Variants in ANGEL1 observed in about 807,000 individuals in gnomAD.
ANGEL1 encodes RNA 2',3'-cyclic phosphatase ANGEL1.
A neutral mutation model predicts 76.4 loss-of-function variants in ANGEL1; 62 were observed. The ratio of observed to expected loss-of-function variants is 0.81; its 90% CI spans 0.66 to 1.00. The LOEUF (loss-of-function observed/expected upper bound fraction) is 1.00. ANGEL1 is among the 50% of genes least tolerant of loss of function. The probability of loss-of-function intolerance (pLI) is 0.00; values close to 1 mark genes in which losing one functional copy is unlikely to be tolerated. For synonymous variants in ANGEL1, 340 were observed against 331.7 expected, an observed-to-expected ratio of 1.03 and a Z score of -0.27; for missense variants, 737 against 836.7, an observed-to-expected ratio of 0.88 and a Z score of 1.47.
intron 8 of ANGEL1, 130 bp from the exon 9 acceptor site, chr14:76,790,904 C>CCT (rs1348866871): frequency 1.2e-5 from 16 of 1,301,066 alleles, no homozygotes; most frequent in Non-Finnish European, 1.5e-5. Flanking sequence ...GCCAATTCCT[C>CCT]CCCATGCTAA....
Position 76,787,750 on chromosome 14 carries a change from G to C in ANGEL1, c.*1478C>G, listed in dbSNP as rs1595289775. ...CCACTGTCTTCAGTCCCACTTTGGA[G>C]GTCGAGTGAGGCAAGAGCAAGTCAA... On this transcript the variant is annotated 3_prime_UTR_variant, in exon 10 of 10. Coordinates refer to ENST00000251089, the MANE Select transcript of ANGEL1 (RefSeq NM_015305.4). 6.6e-6 allele frequency: 1 copy of C among 152,648 alleles called. No individual in the cohort carries two copies. Among genetic ancestry groups the C allele is most frequent in the East Asian group, 1.9e-4 (1 of 5,182 alleles). The allele number at this position is 152,648 out of a possible 1,614,324, so 9.5% of individuals were successfully genotyped here.
intron 1 of ANGEL1, chr14:76,810,336 G>T: frequency 2.5e-6 from 1 of 395,952 alleles, no homozygotes; most frequent in Non-Finnish European, 5.2e-6. Context: ...TGAGAGGATT[G>T]CTTGAGCCCA....
chr14:76,791,392 T>G, intron 7 of ANGEL1, 26 bp from the exon 8 acceptor site: 1 of 1,610,002 alleles, frequency 6.2e-7, no homozygotes, highest in Non-Finnish European at 8.5e-7. Context: ...GAGAAAAACA[T>G]TTTCTCATCC....
intron 1 of ANGEL1, among the ~76,000 whole-genome samples, chr14:76,810,870 T>A (rs1328920576): frequency 3.3e-5 from 5 of 152,170 alleles, no homozygotes; most frequent in African/African-American, 1.2e-4. Flanking sequence ...ACTCACACAC[T>A]CAACCATTTA....
chr14:76,798,318 G>C (rs1894645937), intron 7 of ANGEL1, among the ~76,000 whole-genome samples: 1 of 151,960 alleles, frequency 6.6e-6, no homozygotes, highest in Non-Finnish European at 1.5e-5. Context: ...GTAGAGATGG[G>C]GTTTTGCTAT....
In ANGEL1 at chr14:76,789,161, A is replaced by T; in HGVS notation, c.*67T>A. 6.4e-7 allele frequency: 1 copy of T among 1,570,114 alleles called. No individual in the cohort carries two copies. The highest frequency in any genetic ancestry group is 8.6e-7 in the Non-Finnish European group (1 of 1,157,642). On this transcript the variant is annotated 3_prime_UTR_variant, in exon 10 of 10. Coordinates refer to ENST00000251089, the MANE Select transcript of ANGEL1 (RefSeq NM_015305.4). ...GGATCTAAGTTTCTAGATGCATGGG[A>T]TTTTTCCACAGTCTCTGATCCAGTG...
Position 76,801,470 on chromosome 14 carries a change from G to A in ANGEL1, c.1618+1901C>T, listed in dbSNP as rs555518037. The stretch of plus-strand genomic sequence containing the variant: ...TCGATCTGAAAATTCACATCTTTTC[G>A]TTTTGGGAAAATCTTTCTTGGATAA... On this transcript the variant is annotated intron_variant, in intron 7 of 9. Transcript: ENST00000251089. 6.6e-5 allele frequency among the ~76,000 whole-genome samples: 10 copies of A among 152,086 alleles called. No homozygotes were observed. The East Asian group carries it at 7.7e-4, about 12-fold the overall frequency.
chr14:76,803,379 G>T lies in ANGEL1; in HGVS notation c.1610C>A (p.Thr537Asn), dbSNP rs778605802. 2 of 1,613,838 alleles carry T rather than the reference G, an allele frequency of 1.2e-6. No homozygotes were observed. Among genetic ancestry groups the T allele is most frequent in the Non-Finnish European group, 1.7e-6 (2 of 1,179,736 alleles). ...GGATTAGTTCCCATTACCTGGCTTA[G>T]TATCTGTCACTCCTTCCATAAGGAC... ...GLVLMEGVTD[T>N]KPERPAGWAE... Residue 537 changes from threonine (T) to asparagine (N), a missense_variant, in exon 7 of 10, where the codon ACT (threonine) becomes AAT (asparagine). Physicochemically the swap from Thr to Asn is moderately conservative, Grantham distance 65. Transcript: ENST00000251089.
At position 76,803,908 on chromosome 14, in the gene ANGEL1, G is replaced by C; in HGVS notation, c.1385C>G (p.Ser462Cys). Reference sequence around the variant, plus strand: ...CTGATGGGAGAAGTCTTCCTGTCCAGATACCTGGGTGGAAAAAGAAGGGTG... The same window carrying C: ...CTGATGGGAGAAGTCTTCCTGTCCACATACCTGGGTGGAAAAAGAAGGGTG... ...QYHGMPAWKV[S>C]GQEDFSHQLY... The change falls in exon 6 of 10, where the codon TCT becomes TGT. Residue 462 changes from serine to cysteine, a missense_variant. This residue lies in a region of ANGEL1 where 296 missense variants were observed against 387.2 expected (regional missense o/e 0.76). Coordinates refer to ENST00000251089, the MANE Select transcript of ANGEL1 (RefSeq NM_015305.4). 1 of 1,614,202 alleles carries C rather than the reference G, an allele frequency of 6.2e-7. No homozygotes were observed. Among genetic ancestry groups the C allele is most frequent in the South Asian group, 1.1e-5 (1 of 91,086 alleles).
In ANGEL1 at chr14:76,812,780, G is replaced by C; in HGVS notation, c.48C>G (p.Leu16=). 6.6e-7 allele frequency: 1 copy of C among 1,522,708 alleles called. No individual in the cohort carries two copies. Among genetic ancestry groups the C allele is most frequent in the Non-Finnish European group, 8.8e-7 (1 of 1,140,022 alleles). The allele number at this position is 1,522,708 out of a possible 1,614,324, so 94.3% of individuals were successfully genotyped here. A position where few individuals can be genotyped will look rare whatever the true frequency, so the allele number is the denominator to read the frequency against. The change falls in exon 1 of 10, where the codon CTC becomes CTG. Residue 16 remains leucine, a synonymous_variant. Coordinates refer to ENST00000251089, the MANE Select transcript of ANGEL1 (RefSeq NM_015305.4). The part of the protein sequence containing the change: ...LCYLLLPATR[L]FRALSDAFFT... ...GGCCGGTACCTGAGAGGGCGCGGAAGAGGCGCGTGGCCGGCAGCAGCAGGT... is the reference window on the plus strand; with the variant it reads ...GGCCGGTACCTGAGAGGGCGCGGAACAGGCGCGTGGCCGGCAGCAGCAGGT...
At chr14:76,795,638 G>T (rs533153803) in intron 7 of ANGEL1, among the ~76,000 whole-genome samples, 3 of 152,174 alleles carry the variant, frequency 2.0e-5, no homozygotes, top group African/African-American at 7.2e-5. Flanking sequence ...GTTTCTGAGG[G>T]ACTGTATCTC....
In ANGEL1 at chr14:76,806,642, G is replaced by A. The variant is rs1451624087; in HGVS notation, c.1154C>T (p.Pro385Leu). 1.7e-5 allele frequency: 28 copies of A among 1,612,120 alleles called. No homozygotes were observed. Among genetic ancestry groups the A allele is most frequent in the Admixed American group, 6.7e-5 (4 of 59,874 alleles). Residue 385 changes from proline (P) to leucine (L), a missense_variant, in exon 5 of 10, where the codon CCG (proline) becomes CTG (leucine). Transcript: ENST00000251089. ...GATATGGGTATTTGCCACACACAGCGGGGCCACCGAGACTTGTCCCAGGCC... is the reference window on the plus strand; with the variant it reads ...GATATGGGTATTTGCCACACACAGCAGGGCCACCGAGACTTGTCCCAGGCC... ...PEGLGQVSVA[P>L]LCVANTHILY...
chr14:76,805,262 C>G (rs1894885204), intron 5 of ANGEL1, among the ~76,000 whole-genome samples: 1 of 152,102 alleles, frequency 6.6e-6, no homozygotes, highest in Non-Finnish European at 1.5e-5. Flanking sequence ...CTCAAGGTGG[C>G]AGAGCACGGA....
intron 7 of ANGEL1, among the ~76,000 whole-genome samples, chr14:76,793,669 G>A (rs1247955365): frequency 1.3e-5 from 2 of 149,528 alleles, no homozygotes; most frequent in Non-Finnish European, 3.0e-5. Context: ...AACAAAGTCA[G>A]AGGACTTACT....
In ANGEL1 at chr14:76,799,278, CTTTTTTTTTTTTTTTTTTTTT is replaced by C. The variant is rs71122579; in HGVS notation, c.1618+4072_1618+4092del. 3.8e-5 allele frequency among the ~76,000 whole-genome samples: 2 copies of C among 52,342 alleles called. 1 individual carries two copies. Among genetic ancestry groups the C allele is most frequent in the Non-Finnish European group, 6.3e-5 (2 of 31,676 alleles). 34.3% of individuals were successfully genotyped at this position (52,342 alleles called of 152,430 possible). On this transcript the variant is annotated intron_variant, in intron 7 of 9. Coordinates refer to ENST00000251089, the MANE Select transcript of ANGEL1 (RefSeq NM_015305.4). ...CTCGTTGTACTCCATTCATGGCCTC[CTTTTTTTTTTTTTTTTTTTTT>C]TTTTTTTTTTTTGAGACACAGTCTT... is the stretch of plus-strand genomic sequence containing the variant.
intron 7 of ANGEL1, among the ~76,000 whole-genome samples, chr14:76,801,206 G>T (rs1009976030): frequency 6.6e-6 from 1 of 151,728 alleles, no homozygotes; most frequent in African/African-American, 2.4e-5. Context: ...GACCTTCTGG[G>T]CTCAAGCAAT....
Position 76,789,196 on chromosome 14 carries a change from G to A in ANGEL1, c.*32C>T, listed in dbSNP as rs199922268. On this transcript the variant is annotated 3_prime_UTR_variant, in exon 10 of 10. Coordinates refer to ENST00000251089, the MANE Select transcript of ANGEL1 (RefSeq NM_015305.4). ...AGTCTCTGATCCAGTGAGCTCTTCTGGAAGAGAAGCTCTCTTCCCCTGGGA... is the reference window on the plus strand; with the variant it reads ...AGTCTCTGATCCAGTGAGCTCTTCTAGAAGAGAAGCTCTCTTCCCCTGGGA... 5 of 1,612,266 alleles carry A rather than the reference G, an allele frequency of 3.1e-6. No individual in the cohort carries two copies. Among genetic ancestry groups the A allele is most frequent in the Non-Finnish European group, 4.2e-6 (5 of 1,179,204 alleles).
chr14:76,792,215 G>A (rs1894426714), intron 7 of ANGEL1, among the ~76,000 whole-genome samples: 1 of 152,064 alleles, frequency 6.6e-6, no homozygotes, highest in Non-Finnish European at 1.5e-5. Flanking sequence ...AGAAAAAACT[G>A]AAAATCTGAA....
chr14:76,808,717 G>A (rs1894995795), intron 2 of ANGEL1, among the ~76,000 whole-genome samples: 1 of 152,152 alleles, frequency 6.6e-6, no homozygotes, highest in Non-Finnish European at 1.5e-5. Context: ...GAGGCCCTGA[G>A]ACCTCTCTAT....
Sources: allele counts gnomAD v4.1 joint callset (sites outside exome capture counted in the v4.1 genomes callset), GRCh38; gene constraint gnomAD v4.1.1; regional missense constraint gnomAD v4.1.1; transcripts MANE v1.5; gene names NCBI Gene and HGNC (gene_info 2026-07-23, HGNC 2026-07-21).